Variants in SLC25A26 observed in about 807,000 individuals in gnomAD.
SLC25A26 encodes mitochondrial S-adenosylmethionine carrier protein.
In SLC25A26, 36 loss-of-function variants were observed where a neutral mutation model predicts 37.8. That is an observed-to-expected ratio of 0.95 (90% confidence interval 0.73 to 1.26). The LOEUF is 1.26. Among genes scored for constraint, SLC25A26 ranks in the 50% most tolerant of loss-of-function variants. SLC25A26 has a pLI of 0.00. For synonymous variants in SLC25A26, 129 were observed against 122.5 expected (o/e 1.05, Z -0.35); for missense variants, 390 against 331.1 (o/e 1.18, Z -1.38).
chr3:66,290,859 C>CAA (rs1395960641), intron 5 of SLC25A26, among the ~76,000 whole-genome samples: 1 of 152,126 alleles, frequency 6.6e-6, no homozygotes, highest in African/African-American at 2.4e-5. Context: ...CCCTCTTTTT[C>CAA]TATTGTTTGG....
intron 4 of SLC25A26, among the ~76,000 whole-genome samples, chr3:66,262,851 C>T (rs1465325220): frequency 6.6e-6 from 1 of 152,144 alleles, no homozygotes; most frequent in Non-Finnish European, 1.5e-5. Flanking sequence ...GAAATACTGA[C>T]CACTAGTTTG....
chr3:66,323,705 T>G (rs1174138966), intron 5 of SLC25A26: 1 of 152,090 alleles, frequency 6.6e-6, no homozygotes, highest in Non-Finnish European at 1.5e-5. Flanking sequence ...TCCCAGCCAT[T>G]TGGGGGGCTC....
intron 5 of SLC25A26, among the ~76,000 whole-genome samples, chr3:66,315,886 T>C (rs1269539113): frequency 1.3e-5 from 2 of 152,208 alleles, no homozygotes; most frequent in Non-Finnish European, 2.9e-5. Flanking sequence ...TTGTCTTTTT[T>C]AATGTTTGTT....
chr3:66,148,399 T>C (rs1001462091), intron 1 of SLC25A26, among the ~76,000 whole-genome samples: 19 of 152,232 alleles, frequency 1.2e-4, no homozygotes, highest in African/African-American at 4.6e-4. Flanking sequence ...AATGGGAACA[T>C]GTTTCCAGAG....
At chr3:66,144,912 T>G (rs551605222) in intron 1 of SLC25A26, among the ~76,000 whole-genome samples, 5 of 152,218 alleles carry the variant, frequency 3.3e-5, no homozygotes, top group Non-Finnish European at 7.3e-5. Flanking sequence ...AAGAGTCAGA[T>G]GTCTGGCTGA....
At chr3:66,203,444 A>G (rs2071134840) in intron 1 of SLC25A26, among the ~76,000 whole-genome samples, 1 of 152,172 alleles carries the variant, frequency 6.6e-6, no homozygotes, top group Non-Finnish European at 1.5e-5. Context: ...AAATGCTTGT[A>G]ATTTCTAAAA....
In SLC25A26 at chr3:66,221,069, G is replaced by T. The variant is rs1553658103; in HGVS notation, c.-26G>T. 6.5e-7 allele frequency: 1 copy of T among 1,535,490 alleles called. No homozygotes were observed. Among genetic ancestry groups the T allele is most frequent in the African/African-American group, 1.4e-5 (1 of 72,860 alleles). On this transcript the variant is annotated 5_prime_UTR_variant, in exon 1 of 10. Transcript: ENST00000354883. ...ATCCGCTTCTGCTCCGGCTTGGATT[G>T]TAGCCTTGACGAGGTCTGAGCGACC... is the stretch of plus-strand genomic sequence containing the variant.
At chr3:66,352,102 A>T (rs2076466106) in intron 6 of SLC25A26, among the ~76,000 whole-genome samples, 1 of 152,034 alleles carries the variant, frequency 6.6e-6, no homozygotes, top group Non-Finnish European at 1.5e-5. Context: ...AAAAAAAATT[A>T]TCTGGGATTG....
intron 1 of SLC25A26, among the ~76,000 whole-genome samples, chr3:66,235,899 T>G (rs138925105): frequency 0.58 from 87,992 of 151,894 alleles, 27,840 homozygotes; most frequent in Middle Eastern, 0.83. Flanking sequence ...CTGAAGTTTA[T>G]TTGTTGTTCT....
intron 1 of SLC25A26, among the ~76,000 whole-genome samples, chr3:66,234,884 A>C (rs1200794415): frequency 6.6e-6 from 1 of 152,168 alleles, no homozygotes; most frequent in African/African-American, 2.4e-5. Flanking sequence ...TAGGTAATGT[A>C]TTTACATGGT....
chr3:66,245,381 C>T lies in SLC25A26; in HGVS notation c.300+2069C>T, dbSNP rs533860082. Among the ~76,000 whole-genome samples, 3 of 152,218 alleles carry T rather than the reference C, an allele frequency of 2.0e-5. No homozygotes were observed. The South Asian group carries it at 6.2e-4, about 32-fold the overall frequency. ...CCTTCTGCACAATGCTGAGGGACAG[C>T]CTTTTATGTTGCTTATTAGTGTTAT... On this transcript the variant is annotated intron_variant, in intron 3 of 9. Coordinates refer to ENST00000354883, the MANE Select transcript of SLC25A26 (RefSeq NM_001379210.1).
chr3:66,223,848 G>C (rs2071612211), intron 1 of SLC25A26, among the ~76,000 whole-genome samples: 3 of 152,144 alleles, frequency 2.0e-5, no homozygotes, highest in African/African-American at 7.2e-5. Context: ...TCCTCAAAGA[G>C]TACATTGATC....
intron 5 of SLC25A26, among the ~76,000 whole-genome samples, chr3:66,301,198 C>G (rs2075066507): frequency 6.6e-6 from 1 of 152,120 alleles, no homozygotes; most frequent in South Asian, 2.1e-4. Flanking sequence ...TTGCCAGTTT[C>G]CCTGAATTTA....
chr3:66,360,628 C>T (rs2076676488), intron 6 of SLC25A26, among the ~76,000 whole-genome samples: 1 of 152,182 alleles, frequency 6.6e-6, no homozygotes, highest in Admixed American at 6.5e-5. Context: ...CAACCAGAGA[C>T]TGAAATTTAA....
At chr3:66,194,343 T>A (rs1377016653) in intron 1 of SLC25A26, among the ~76,000 whole-genome samples, 1 of 152,210 alleles carries the variant, frequency 6.6e-6, no homozygotes, top group Non-Finnish European at 1.5e-5. Flanking sequence ...GGCTTGGTTT[T>A]GTTTTCCCAC....
At chr3:66,325,355 A>G (rs2075810847) in intron 5 of SLC25A26, among the ~76,000 whole-genome samples, 1 of 152,238 alleles carries the variant, frequency 6.6e-6, no homozygotes. Flanking sequence ...TTCATTTACA[A>G]AGGCATATTC....
At chr3:66,159,189 C>A (rs373563837) in intron 1 of SLC25A26, among the ~76,000 whole-genome samples, 23 of 152,310 alleles carry the variant, frequency 1.5e-4, no homozygotes, top group African/African-American at 4.8e-4. Context: ...ACCCACAGGC[C>A]GGCAAACACT....
At chr3:66,259,222 T>C (rs1018103597) in intron 3 of SLC25A26, among the ~76,000 whole-genome samples, 3 of 152,342 alleles carry the variant, frequency 2.0e-5, no homozygotes, top group South Asian at 2.1e-4. Flanking sequence ...TTGCTTGCTC[T>C]TTAGAAATTT....
At chr3:66,198,069 C>T (rs1160138908) in intron 1 of SLC25A26, among the ~76,000 whole-genome samples, 1 of 151,962 alleles carries the variant, frequency 6.6e-6, no homozygotes, top group East Asian at 1.9e-4. Context: ...TCAAGGTCAG[C>T]CAGCATCATG....
Sources: gnomAD v4.1 joint callset for allele counts (sites outside exome capture counted in the v4.1 genomes callset) on GRCh38, gnomAD v4.1.1 for gene constraint, MANE v1.5 for transcripts, NCBI Gene and HGNC (gene_info 2026-07-23, HGNC 2026-07-21) for gene names.